SEMA4D: variants seen among roughly 807,000 people sequenced by gnomAD.
SEMA4D encodes the protein semaphorin 4D.
A neutral mutation model predicts 74.8 loss-of-function variants in SEMA4D; 22 were observed. The ratio of observed to expected loss-of-function variants is 0.29; its 90% confidence interval spans 0.21 to 0.42. SEMA4D has a LOEUF of 0.42. SEMA4D is among the 10% of genes least tolerant of loss of function. The pLI, the probability that SEMA4D is intolerant of heterozygous loss-of-function variation, is 1.00. For missense variants in SEMA4D, 937 were observed against 1,118.4 expected (o/e 0.84, Z 2.31); for synonymous variants, 445 against 463.7 (o/e 0.96, Z 0.52).
In SEMA4D at chr9:89,484,741, T is replaced by C. The variant is rs890157266; in HGVS notation, c.-310+13178A>G. ...TGTGTTGTGTGTTATGTGTGTGTGG[T>C]GTGGCAGGTATGTGTGAAGTGTGTG... On this transcript the variant is annotated intron_variant, in intron 1 of 15. Coordinates refer to ENST00000422704, the MANE Select transcript of SEMA4D (RefSeq NM_001371194.2). This position sits in a 1 kb window ranked among gnomAD's most constrained non-coding sequence, Gnocchi z 4.1. 2.0e-5 allele frequency among the ~76,000 whole-genome samples: 3 copies of C among 150,682 alleles called. No homozygotes were observed. Among genetic ancestry groups the C allele is most frequent in the Non-Finnish European group, 4.4e-5 (3 of 67,590 alleles).
chr9:89,369,866 A>ATG (rs149822470), intron 16 of SEMA4D, among the ~76,000 whole-genome samples: 122 of 151,344 alleles, frequency 8.1e-4, no homozygotes, highest in African/African-American at 1.7e-3. Flanking sequence ...TAAGTCAACA[A>ATG]TGTGTGTGTG....
At chr9:89,450,670 A>AAAAAAAAAAAGGCCACC in intron 2 of SEMA4D, 1 of 509,686 alleles carries the variant, frequency 2.0e-6, no homozygotes, top group Non-Finnish European at 3.4e-6. Flanking sequence ...GAAAAAAAAA[A>AAAAAAAAAAAGGCCACC]AAAAAAAAAA....
intron 2 of SEMA4D, among the ~76,000 whole-genome samples, chr9:89,434,470 G>C (rs1161110816): frequency 6.6e-6 from 1 of 152,138 alleles, no homozygotes; most frequent in African/African-American, 2.4e-5. Flanking sequence ...CTTTTCTCCT[G>C]TTACTGTCTT....
At chr9:89,362,479 C>G in intron 18 of SEMA4D, 1 of 1,613,912 alleles carries the variant, frequency 6.2e-7, no homozygotes, top group Non-Finnish European at 8.5e-7. Context: ...ATGGGCCTTT[C>G]CTGCTCTGCA....
intron 1 of SEMA4D, among the ~76,000 whole-genome samples, chr9:89,488,350 A>ATTTTT (rs1222488409): frequency 8.2e-4 from 66 of 80,360 alleles, no homozygotes; most frequent in Non-Finnish European, 1.6e-3. Flanking sequence ...TGGATCACAG[A>ATTTTT]TCTTTTTTTT....
intron 2 of SEMA4D, among the ~76,000 whole-genome samples, chr9:89,423,275 TCCA>T (rs1339038419): frequency 6.6e-6 from 1 of 151,666 alleles, no homozygotes. Context: ...CACTGCAATC[TCCA>T]CCTTCCGGGT....
At position 89,461,765 on chromosome 9, in the gene SEMA4D, C is replaced by T. The variant is rs145189085; in HGVS notation, c.-309-5812G>A. Reference sequence around the variant, plus strand: ...CCTCCCAGGCTGGAGTGCAGTGGTGCGATCTCGGCTCACTGGAACCTCCAC... The same window carrying T: ...CCTCCCAGGCTGGAGTGCAGTGGTGTGATCTCGGCTCACTGGAACCTCCAC... On this transcript the variant is annotated intron_variant, in intron 1 of 15. Coordinates refer to ENST00000422704, the MANE Select transcript of SEMA4D (RefSeq NM_001371194.2). 7.7e-3 allele frequency among the ~76,000 whole-genome samples: 1,052 copies of T among 136,714 alleles called. 11 individuals carry two copies. Among genetic ancestry groups the T allele is most frequent in the African/African-American group, 0.027 (1,003 of 37,096 alleles). The allele number at this position is 136,714 out of a possible 152,430, so 89.7% of individuals were successfully genotyped here. A position where few individuals can be genotyped will look rare whatever the true frequency, so the allele number is the denominator to read the frequency against.
At chr9:89,391,215 A>AC in intron 9 of SEMA4D, 49 bp downstream of exon 9, 12 of 1,589,220 alleles carry the variant, frequency 7.6e-6, no homozygotes, top group Non-Finnish European at 1.0e-5. Flanking sequence ...ATCCAGGCAC[A>AC]CTATTGCCAT....
At chr9:89,362,832 A>G (rs1832908304) in intron 18 of SEMA4D, among the ~76,000 whole-genome samples, 1 of 152,132 alleles carries the variant, frequency 6.6e-6, no homozygotes, top group African/African-American at 2.4e-5. Context: ...GGTAGCACAC[A>G]GTGATGAATC....
Position 89,388,988 on chromosome 9 carries a change from T to C in SEMA4D, c.834A>G (p.Arg278=). The C allele has an allele frequency of 6.2e-7, 1 of 1,613,608 alleles. No individual in the cohort carries two copies. The highest frequency in any genetic ancestry group is 8.5e-7 in the Non-Finnish European group (1 of 1,179,942). ...CGCTGTCTGGCCGGGAGCAGATGAG[T>C]CGGGCTTTCAGGAAGGAGGTCCATT... ...QKKWTSFLKA[R]LICSRPDSGL... The change falls in exon 10 of 16, where the codon CGA becomes CGG. Residue 278 remains arginine (R), a synonymous_variant. Transcript: ENST00000422704.
intron 2 of SEMA4D, 106 bp from the exon 3 acceptor site, chr9:89,405,805 C>G (rs143948603): frequency 6.2e-4 from 805 of 1,304,350 alleles, no homozygotes; most frequent in Non-Finnish European, 7.3e-4. Context: ...CCGGGTCCAT[C>G]TGCTGAGGAA....
chr9:89,386,960 TC>T (rs2133023089), intron 12 of SEMA4D, among the ~76,000 whole-genome samples: 1 of 152,244 alleles, frequency 6.6e-6, no homozygotes, highest in South Asian at 2.1e-4. Context: ...TATTTCAGAG[TC>T]CACATGCCAG....
In SEMA4D at chr9:89,442,229, G is replaced by A. The variant is rs543991013; in HGVS notation, c.-244+13659C>T. ...AGGTCACTGGCCAAAGCACTGGGAG[G>A]GGCTCAGTGGGTCGGCTCTGGGCAC... On this transcript the variant is annotated intron_variant, in intron 2 of 15. Coordinates refer to ENST00000422704, the MANE Select transcript of SEMA4D (RefSeq NM_001371194.2). Among the ~76,000 whole-genome samples the A allele has an allele frequency of 8.9e-4, 135 of 152,298 alleles. No homozygotes were observed. The Middle Eastern group carries it at 0.017, about 19-fold the overall frequency.
chr9:89,380,356 C>T (rs991972737), intron 15 of SEMA4D, among the ~76,000 whole-genome samples: 1 of 151,436 alleles, frequency 6.6e-6, no homozygotes, highest in Non-Finnish European at 1.5e-5. Flanking sequence ...TTTTTAGAGT[C>T]TGGGTCTCAC....
chr9:89,371,710 C>G (rs1311096413), intron 16 of SEMA4D, among the ~76,000 whole-genome samples: 2 of 39,676 alleles, frequency 5.0e-5, no homozygotes, highest in Admixed American at 7.3e-4. Context: ...TGGGATGTGT[C>G]TGGGGTGTGG....
intron 2 of SEMA4D, among the ~76,000 whole-genome samples, chr9:89,406,600 G>T (rs952357709): frequency 3.9e-5 from 6 of 152,228 alleles, no homozygotes; most frequent in African/African-American, 1.4e-4. Context: ...CTTGATCTGG[G>T]GCCAGCTGCA....
At chr9:89,486,298 C>T (rs891796750) in intron 1 of SEMA4D, among the ~76,000 whole-genome samples, 3 of 152,170 alleles carry the variant, frequency 2.0e-5, no homozygotes, top group Non-Finnish European at 4.4e-5. Flanking sequence ...GGATGGAAAA[C>T]AGGTCAGTGG....
chr9:89,370,930 GTTGTGTGTCTGGGGTA>G (rs1834525861), intron 16 of SEMA4D, among the ~76,000 whole-genome samples: 1 of 134,558 alleles, frequency 7.4e-6, no homozygotes, highest in African/African-American at 2.8e-5. Flanking sequence ...TTGGGGGGGT[GTTGTGTGTCTGGGGTA>G]TGGTGTGTAT....
intron 2 of SEMA4D, among the ~76,000 whole-genome samples, chr9:89,414,028 A>G (rs1845137905): frequency 2.6e-5 from 4 of 152,220 alleles, no homozygotes; most frequent in Admixed American, 2.6e-4. Flanking sequence ...ACCATGAACC[A>G]AAATGCCATC....
Sources: gnomAD v4.1 joint callset for allele counts (sites outside exome capture counted in the v4.1 genomes callset) on GRCh38, gnomAD v4.1.1 for gene constraint, Gnocchi (gnomAD v3.1) non-coding constraint, MANE v1.5 for transcripts, NCBI Gene and HGNC (gene_info 2026-07-23, HGNC 2026-07-21) for gene names.